AAK1: variants seen among roughly 807,000 people sequenced by gnomAD.
AAK1 encodes AP2-associated protein kinase 1.
AAK1 carries 37 observed loss-of-function variants against 116.0 expected under a neutral mutation model. The observed-to-expected ratio is 0.32, with a 90% CI of 0.25 to 0.42. AAK1 has a LOEUF of 0.42. AAK1 is among the 10% of genes least tolerant of loss of function. AAK1 has a pLI of 1.00. For missense variants in AAK1, 919 were observed against 1,170.6 expected (o/e 0.79, Z 3.14); for synonymous variants, 458 against 439.9 (o/e 1.04, Z -0.51).
chr2:69,494,983 G>A (rs2312209), intron 17 of AAK1, among the ~76,000 whole-genome samples: 87,205 of 151,988 alleles, frequency 0.57, 25,575 homozygotes, highest in East Asian at 0.81. Flanking sequence ...GTCACTTCCA[G>A]TCTTGAAGCA....
intron 12 of AAK1, 47 bp downstream of exon 12, chr2:69,518,907 G>T: frequency 6.7e-7 from 1 of 1,491,340 alleles, no homozygotes. Flanking sequence ...CCTTTTCACA[G>T]TCATGACTCA....
In AAK1 at chr2:69,468,260, G is replaced by A. The variant is rs181855939; in HGVS notation, c.*7609C>T. On this transcript the variant is annotated 3_prime_UTR_variant, in exon 22 of 22. Transcript: ENST00000409085. The stretch of plus-strand genomic sequence containing the variant: ...GGACAGACATAATCCTAATTTCTCA[G>A]GCAAGTAAATTGATATTAGATTTGT... The A allele has an allele frequency of 4.7e-5, 46 of 985,250 alleles. No individual in the cohort carries two copies. The highest frequency in any genetic ancestry group is 1.8e-4 in the Admixed American group (3 of 16,276). 61.0% of individuals were successfully genotyped at this position (985,250 alleles called of 1,614,324 possible).
Position 69,465,649 on chromosome 2 carries a change from G to T in AAK1, c.*10220C>A. 2 of 1,290,922 alleles carry T rather than the reference G, an allele frequency of 1.5e-6. No individual in the cohort carries two copies. Among genetic ancestry groups the T allele is most frequent in the South Asian group, 1.2e-5 (1 of 81,026 alleles). The allele number at this position is 1,290,922 out of a possible 1,614,324, so 80.0% of individuals were successfully genotyped here. ...GAATACTTGGATAAGGACTGGGGGCGGAATGGTTTGCCAGCCATGGGGCCT... is the reference window on the plus strand; with the variant it reads ...GAATACTTGGATAAGGACTGGGGGCTGAATGGTTTGCCAGCCATGGGGCCT... On this transcript the variant is annotated 3_prime_UTR_variant, in exon 22 of 22. Transcript: ENST00000409085.
intron 2 of AAK1, among the ~76,000 whole-genome samples, chr2:69,567,238 C>G (rs1027861392): frequency 2.6e-5 from 4 of 152,236 alleles, no homozygotes; most frequent in Non-Finnish European, 4.4e-5. Context: ...AGTAATCATC[C>G]TTCAGATTTC....
In AAK1 at chr2:69,472,561, T is replaced by G; in HGVS notation, c.*3308A>C. On this transcript the variant is annotated 3_prime_UTR_variant, in exon 22 of 22. Coordinates refer to ENST00000409085, the MANE Select transcript of AAK1 (RefSeq NM_014911.5). ...TGTCTGCTAAAGAAATCATTAATTA[T>G]AATAATTATAATCATACTTAGAAGT... 1.1e-6 allele frequency: 1 copy of G among 933,558 alleles called. No individual in the cohort carries two copies. The highest frequency in any genetic ancestry group is 1.3e-6 in the Non-Finnish European group (1 of 782,752). 57.8% of individuals were successfully genotyped at this position (933,558 alleles called of 1,614,324 possible). A position where few individuals can be genotyped will look rare whatever the true frequency, so the allele number is the denominator to read the frequency against.
chr2:69,504,112 T>A (rs1676081431), intron 16 of AAK1, among the ~76,000 whole-genome samples: 1 of 151,800 alleles, frequency 6.6e-6, no homozygotes, highest in Non-Finnish European at 1.5e-5. Context: ...AAGATGCATA[T>A]CAGGTTGGGT....
chr2:69,465,428 G>A lies in AAK1; in HGVS notation c.*10441C>T, dbSNP rs975277486. 1.6e-6 allele frequency: 2 copies of A among 1,285,400 alleles called. No homozygotes were observed. Among genetic ancestry groups the A allele is most frequent in the Non-Finnish European group, 2.0e-6 (2 of 985,222 alleles). The allele number at this position is 1,285,400 out of a possible 1,614,324, so 79.6% of individuals were successfully genotyped here. On this transcript the variant is annotated 3_prime_UTR_variant, in exon 22 of 22. Transcript: ENST00000409085. ...GCTTGAGGCTCAGGTTTTGCTCCTAGGGTTTCTTGCCTGATTTTGAAGGGA... is the reference window on the plus strand; with the variant it reads ...GCTTGAGGCTCAGGTTTTGCTCCTAAGGTTTCTTGCCTGATTTTGAAGGGA...
intron 13 of AAK1, among the ~76,000 whole-genome samples, chr2:69,511,375 G>A (rs1676388935): frequency 6.6e-6 from 1 of 152,150 alleles, no homozygotes; most frequent in Admixed American, 6.5e-5. Flanking sequence ...TAACCAACAG[G>A]CTGAATGTTA....
Position 69,530,019 on chromosome 2 carries a change from T to C in AAK1, c.860A>G (p.His287Arg), listed in dbSNP as rs759944504. Residue 287 changes from histidine (H) to arginine (R), a missense_variant, in exon 8 of 22, where the codon CAC becomes CGC. Coordinates refer to ENST00000409085, the MANE Select transcript of AAK1 (RefSeq NM_014911.5). ...CTTAAAATACTTACTAATTAGGCAG[T>C]GCATGTCTTGAGAATATCGAGAATT... ...PDNSRYSQDMHCLIRYMLEPD... is the reference protein window; with the variant it reads ...PDNSRYSQDMRCLIRYMLEPD... The C allele has an allele frequency of 1.9e-6, 3 of 1,587,808 alleles. No homozygotes were observed. Among genetic ancestry groups the C allele is most frequent in the South Asian group, 1.2e-5 (1 of 85,868 alleles).
intron 2 of AAK1, among the ~76,000 whole-genome samples, chr2:69,615,935 T>C (rs1454381418): frequency 6.6e-6 from 1 of 152,246 alleles, no homozygotes; most frequent in Non-Finnish European, 1.5e-5. Flanking sequence ...GTAAATTTTA[T>C]GTTAAAGCTA....
At chr2:69,640,850 TTATCTC>T (rs1675692191) in intron 2 of AAK1, among the ~76,000 whole-genome samples, 1 of 152,190 alleles carries the variant, frequency 6.6e-6, no homozygotes, top group African/African-American at 2.4e-5. Flanking sequence ...CACCCTAAGT[TTATCTC>T]TATGATGGCA....
rs573127028 is a variant in AAK1, at chr2:69,581,176, C to T, written c.164-24198G>A. 4.6e-5 allele frequency among the ~76,000 whole-genome samples: 7 copies of T among 152,212 alleles called. No individual in the cohort carries two copies. In the South Asian group the frequency reaches 8.3e-4, roughly 18 times the overall value. On this transcript the variant is annotated intron_variant, in intron 2 of 21. Coordinates refer to ENST00000409085, the MANE Select transcript of AAK1 (RefSeq NM_014911.5). Reference sequence around the variant, plus strand: ...TCTCCCAGGCTGGAGTGCAGTGGCACGATCTCGGCTCACTGCAACCTCCGC... The same window carrying T: ...TCTCCCAGGCTGGAGTGCAGTGGCATGATCTCGGCTCACTGCAACCTCCGC...
At chr2:69,544,818 T>A (rs1670858718) in intron 3 of AAK1, among the ~76,000 whole-genome samples, 1 of 152,172 alleles carries the variant, frequency 6.6e-6, no homozygotes, top group African/African-American at 2.4e-5. Flanking sequence ...GCTTACTGCA[T>A]CAATGCTCCA....
intron 3 of AAK1, among the ~76,000 whole-genome samples, chr2:69,554,848 T>C (rs913739005): frequency 1.4e-4 from 22 of 152,226 alleles, no homozygotes; most frequent in Admixed American, 1.4e-3. Flanking sequence ...AAAACAAAAC[T>C]CTCACAGCTA....
At chr2:69,641,909 T>G (rs1178366405) in intron 2 of AAK1, among the ~76,000 whole-genome samples, 1 of 152,084 alleles carries the variant, frequency 6.6e-6, no homozygotes, top group Non-Finnish European at 1.5e-5. Context: ...CCCCATCCAA[T>G]CAGTCTGAAT....
intron 3 of AAK1, among the ~76,000 whole-genome samples, chr2:69,555,779 G>A (rs1455912987): frequency 6.6e-6 from 1 of 151,964 alleles, no homozygotes; most frequent in Admixed American, 6.6e-5. Context: ...CAAAAGCACT[G>A]TGGAAGCACA....
intron 2 of AAK1, among the ~76,000 whole-genome samples, chr2:69,560,553 A>G (rs953994319): frequency 2.0e-5 from 3 of 152,266 alleles, no homozygotes; most frequent in Non-Finnish European, 4.4e-5. Flanking sequence ...AATCATAAAG[A>G]TAAAAAGGAT....
chr2:69,643,138 A>C lies in AAK1; in HGVS notation c.-98T>G. Reference sequence around the variant, plus strand: ...AAAAGAGATCCAAGGATTTCTTCTCAGATTTCACCTCGGAGAGGAGCCACC... The same window carrying C: ...AAAAGAGATCCAAGGATTTCTTCTCCGATTTCACCTCGGAGAGGAGCCACC... On this transcript the variant is annotated 5_prime_UTR_variant, in exon 2 of 22. Transcript: ENST00000409085. 7.0e-7 allele frequency: 1 copy of C among 1,421,118 alleles called. No homozygotes were observed. The allele number at this position is 1,421,118 out of a possible 1,614,324, so 88.0% of individuals were successfully genotyped here. A position where few individuals can be genotyped will look rare whatever the true frequency, so the allele number is the denominator to read the frequency against.
At chr2:69,526,560 G>C (rs1360085188) in intron 9 of AAK1, among the ~76,000 whole-genome samples, 1 of 152,034 alleles carries the variant, frequency 6.6e-6, no homozygotes, top group Non-Finnish European at 1.5e-5. Flanking sequence ...CATCCTCCTC[G>C]GCCTCCCAAA....
Sources: allele counts gnomAD v4.1 joint callset (sites outside exome capture counted in the v4.1 genomes callset), GRCh38; gene constraint gnomAD v4.1.1; transcripts MANE v1.5; gene names NCBI Gene and HGNC (gene_info 2026-07-23, HGNC 2026-07-21).